MYBL1: variants seen among roughly 807,000 people sequenced by gnomAD.
MYBL1 encodes MYB proto-oncogene like 1.
MYBL1 carries 17 observed loss-of-function variants against 96.3 expected under a neutral mutation model. The ratio of observed to expected loss-of-function variants is 0.18; its 90% CI spans 0.12 to 0.26. MYBL1 has a LOEUF of 0.26. MYBL1 is among the 10% of genes least tolerant of loss of function. The pLI is 1.00. For missense variants in MYBL1, 701 were observed against 882.9 expected (o/e 0.79, Z 2.61); for synonymous variants, 282 against 292.7 (o/e 0.96, Z 0.37).
At chr8:66,609,700 T>G (rs1810455767) in intron 1 of MYBL1, among the ~76,000 whole-genome samples, 1 of 151,976 alleles carries the variant, frequency 6.6e-6, no homozygotes, top group African/African-American at 2.4e-5. Context: ...GTGAGAAAAT[T>G]TCTATTTCAT....
chr8:66,606,932 AGGCGTCT>A (rs1024030942), intron 1 of MYBL1, among the ~76,000 whole-genome samples: 4 of 152,136 alleles, frequency 2.6e-5, no homozygotes, highest in Admixed American at 2.6e-4. Flanking sequence ...AAGGAATTAC[AGGCGTCT>A]GCCATCATGC....
intron 8 of MYBL1, among the ~76,000 whole-genome samples, chr8:66,581,344 G>A (rs550157322): frequency 2.0e-5 from 3 of 152,072 alleles, no homozygotes; most frequent in Non-Finnish European, 4.4e-5. Flanking sequence ...TAAACTTTGT[G>A]ACTTACAAAT....
intron 3 of MYBL1, among the ~76,000 whole-genome samples, chr8:66,600,450 A>G (rs1810024661): frequency 6.6e-6 from 1 of 152,216 alleles, no homozygotes; most frequent in African/African-American, 2.4e-5. Context: ...TTGCTCCTGT[A>G]TGTCCTTGTA....
At chr8:66,581,414 C>T (rs73248122) in intron 8 of MYBL1, among the ~76,000 whole-genome samples, 19,058 of 152,078 alleles carry the variant, frequency 0.13, 2,812 homozygotes, top group African/African-American at 0.35. Flanking sequence ...CGGTGGCTCA[C>T]GCACATAGTC....
chr8:66,583,814 G>C lies in MYBL1; in HGVS notation c.868-3448C>G, dbSNP rs536835245. Among the ~76,000 whole-genome samples the C allele has an allele frequency of 2.0e-5, 3 of 152,264 alleles. No individual in the cohort carries two copies. The East Asian group carries it at 5.8e-4, about 29-fold the overall frequency. Reference sequence around the variant, plus strand: ...AATTACAAGTAGCAAGACTGAATGTGCAATAAAACGTCTCCTATAAAATTA... The same window carrying C: ...AATTACAAGTAGCAAGACTGAATGTCCAATAAAACGTCTCCTATAAAATTA... On this transcript the variant is annotated intron_variant, in intron 8 of 15. Coordinates refer to ENST00000522677, the MANE Select transcript of MYBL1 (RefSeq NM_001080416.4).
intron 10 of MYBL1, among the ~76,000 whole-genome samples, chr8:66,574,125 T>C (rs1808843309): frequency 1.3e-5 from 2 of 152,190 alleles, no homozygotes; most frequent in Admixed American, 6.5e-5. Flanking sequence ...GTCAAAAGAT[T>C]AGAAACAGTG....
Position 66,573,480 on chromosome 8 carries a change from T to C in MYBL1, c.1497A>G (p.Glu499=), listed in dbSNP as rs751880074. The C allele has an allele frequency of 5.0e-6, 8 of 1,607,928 alleles. No homozygotes were observed. The South Asian group carries it at 7.8e-5, about 16-fold the overall frequency. ...ATGAAGGATTTTCTATATTAAGTTG[T>C]TCATTACCAGGACATGTGTTGAAAA... ...SQFFNTCPGN[E]QLNIENPSFT... is the part of the protein sequence containing the mutation. The change falls in exon 11 of 16, where the codon GAA becomes GAG. Residue 499 remains glutamate (E), a synonymous_variant. Coordinates refer to ENST00000522677, the MANE Select transcript of MYBL1 (RefSeq NM_001080416.4).
intron 12 of MYBL1, among the ~76,000 whole-genome samples, chr8:66,569,350 T>C (rs1808640265): frequency 6.6e-6 from 1 of 151,934 alleles, no homozygotes; most frequent in Non-Finnish European, 1.5e-5. Context: ...TTTTTTTTTT[T>C]TTTCCTTAAT....
rs370945803 is a variant in MYBL1 at position 66,601,694 on chromosome 8, T to G, written c.198+4A>C. 1.4e-6 allele frequency: 2 copies of G among 1,469,456 alleles called. No individual in the cohort carries two copies. Among genetic ancestry groups the G allele is most frequent in the Non-Finnish European group, 1.8e-6 (2 of 1,081,308 alleles). 91.0% of individuals were successfully genotyped at this position (1,469,456 alleles called of 1,614,324 possible). A position where few individuals can be genotyped will look rare whatever the true frequency, so the allele number is the denominator to read the frequency against. ...TTAGAAATATAATTTAATATTTCAC[T>G]TACTTGAAGATGACTAGCAATTAGA... On this transcript the variant is annotated splice_donor_region_variant and intron_variant, in intron 3 of 15. Coordinates refer to ENST00000522677, the MANE Select transcript of MYBL1 (RefSeq NM_001080416.4).
chr8:66,612,674 G>A (rs72652790), intron 1 of MYBL1, 145 bp downstream of exon 1: 47,374 of 1,012,774 alleles, frequency 0.047, 1,294 homozygotes, highest in Middle Eastern at 0.054. Flanking sequence ...TCCGGTCATC[G>A]AGGCCAAGCG....
Position 66,572,464 on chromosome 8 carries a change from TA to T in MYBL1, c.1728+17del. The T allele has an allele frequency of 1.6e-6, 2 of 1,212,694 alleles. No homozygotes were observed. The highest frequency in any genetic ancestry group is 2.3e-6 in the Non-Finnish European group (2 of 869,068). The allele number at this position is 1,212,694 out of a possible 1,614,324, so 75.1% of individuals were successfully genotyped here. ...TTAAAATTAGGAAAATTATTAAAAATAAAATGAATATACATACCACAATTTT... is the reference window on the plus strand; with the variant it reads ...TTAAAATTAGGAAAATTATTAAAAATAAATGAATATACATACCACAATTTT... On this transcript the variant is annotated intron_variant, in intron 12 of 15. Transcript: ENST00000522677.
At chr8:66,607,170 TA>T (rs1390401183) in intron 1 of MYBL1, among the ~76,000 whole-genome samples, 1 of 151,828 alleles carries the variant, frequency 6.6e-6, no homozygotes, top group Non-Finnish European at 1.5e-5. Context: ...CTTGATTAAA[TA>T]TCTGATACAT....
Position 66,580,345 on chromosome 8 carries a change from A to G in MYBL1, c.889T>C (p.Trp297Arg), listed in dbSNP as rs1809155665. 1.2e-6 allele frequency: 2 copies of G among 1,604,184 alleles called. No homozygotes were observed. The highest frequency in any genetic ancestry group is 1.3e-5 in the African/African-American group (1 of 74,828). ...IPSQPGSFSS[W>R]SGSFLMDDNM... ...TCATCCATGAGGAAACTACCAGACCAGCTAGAAAAACTTCCAGGCTGCTAA... is the reference window on the plus strand; with the variant it reads ...TCATCCATGAGGAAACTACCAGACCGGCTAGAAAAACTTCCAGGCTGCTAA... The change falls in exon 9 of 16, where the codon TGG becomes CGG. Residue 297 changes from tryptophan to arginine, a missense_variant. Coordinates refer to ENST00000522677, the MANE Select transcript of MYBL1 (RefSeq NM_001080416.4).
intron 1 of MYBL1, chr8:66,612,595 C>A (rs1411619315): frequency 4.7e-6 from 2 of 422,500 alleles, no homozygotes; most frequent in Non-Finnish European, 8.1e-6. Context: ...CACCGAGAAA[C>A]CTGGGCATCT....
intron 13 of MYBL1, 25 bp from the exon 14 acceptor site, chr8:66,566,813 G>A (rs761090448): frequency 6.3e-7 from 1 of 1,589,052 alleles, no homozygotes. Flanking sequence ...TTATGTAGAA[G>A]CTTTATGGCA....
intron 1 of MYBL1, among the ~76,000 whole-genome samples, chr8:66,609,275 G>A (rs1021468969): frequency 2.0e-5 from 3 of 151,898 alleles, no homozygotes; most frequent in Non-Finnish European, 2.9e-5. Context: ...CAGTAAATGA[G>A]GTATTCCAAG....
In MYBL1 at chr8:66,610,157, G is replaced by T. The variant is rs1048329506; in HGVS notation, c.20+2662C>A. Among the ~76,000 whole-genome samples the T allele has an allele frequency of 2.6e-5, 4 of 151,818 alleles. No individual in the cohort carries two copies. The South Asian group carries it at 6.2e-4, about 24-fold the overall frequency. On this transcript the variant is annotated intron_variant, in intron 1 of 15. Coordinates refer to ENST00000522677, the MANE Select transcript of MYBL1 (RefSeq NM_001080416.4). ...GACTTTCGAATCTAAAATTAATTAC[G>T]TATATATAAATATGCTTAAAAGTTA...
At chr8:66,593,223 T>C (rs765523976) in intron 6 of MYBL1, 29 bp from the exon 7 acceptor site, 3 of 1,359,704 alleles carry the variant, frequency 2.2e-6, no homozygotes, top group East Asian at 4.8e-5. Context: ...ATTATTATCA[T>C]ACATATAATG....
chr8:66,580,332 A>T lies in MYBL1; in HGVS notation c.902T>A (p.Phe301Tyr). 1.2e-6 allele frequency: 2 copies of T among 1,611,130 alleles called. No individual in the cohort carries two copies. The highest frequency in any genetic ancestry group is 1.7e-6 in the Non-Finnish European group (2 of 1,177,634). Residue 301 changes from phenylalanine to tyrosine, a missense_variant, in exon 9 of 16, where the codon TTC becomes TAC. By Grantham distance (22) the Phe-to-Tyr change is conservative. Transcript: ENST00000522677. ...ATTAGACATGTTATCATCCATGAGG[A>T]AACTACCAGACCAGCTAGAAAAACT... ...PGSFSSWSGSFLMDDNMSNTL... is the reference protein window; with the variant it reads ...PGSFSSWSGSYLMDDNMSNTL...
Sources: gnomAD v4.1 joint callset for allele counts (sites outside exome capture counted in the v4.1 genomes callset) on GRCh38, gnomAD v4.1.1 for gene constraint, MANE v1.5 for transcripts, NCBI Gene and HGNC (gene_info 2026-07-23, HGNC 2026-07-21) for gene names.